LMBRD1: variants seen among roughly 807,000 people sequenced by gnomAD.
The protein encoded by LMBRD1 is LMBR1 domain containing 1.
A neutral mutation model predicts 74.8 loss-of-function variants in LMBRD1; 64 were observed. The ratio of observed to expected loss-of-function variants is 0.86; its 90% CI spans 0.70 to 1.05. The LOEUF is 1.05. LMBRD1 is among the 50% of genes least tolerant of loss of function. The probability of loss-of-function intolerance (pLI) is 0.00; values close to 1 mark genes in which losing one functional copy is unlikely to be tolerated. For synonymous variants in LMBRD1, 204 were observed against 216.3 expected (o/e 0.94, Z 0.50); for missense variants, 652 against 645.9 (o/e 1.01, Z -0.10).
chr6:69,676,655 T>A, intron 14 of LMBRD1, 114 bp from the exon 15 acceptor site: 1 of 841,658 alleles, frequency 1.2e-6, no homozygotes. Flanking sequence ...ATATGGCTAG[T>A]AAGTGTCAGA....
chr6:69,796,854 C>T lies in LMBRD1; in HGVS notation c.28G>A (p.Glu10Lys). ...AATATGCACCAGCCGATCACCAGCT[C>T]CGCCGAGGCCGCGCCAGAAGTCGCC... MATSGAASAELVIGWCIFGL... is the reference protein window; with the variant it reads MATSGAASAKLVIGWCIFGL... Residue 10 changes from glutamate (E) to lysine (K), a missense_variant, in exon 1 of 16, where the codon GAG (glutamate) becomes AAG (lysine). By Grantham distance (56) the Glu-to-Lys change is moderately conservative. Coordinates refer to ENST00000649934, the MANE Select transcript of LMBRD1 (RefSeq NM_018368.4). 6.2e-7 allele frequency: 1 copy of T among 1,614,130 alleles called. No individual in the cohort carries two copies. Among genetic ancestry groups the T allele is most frequent in the Non-Finnish European group, 8.5e-7 (1 of 1,180,012 alleles).
intron 3 of LMBRD1, among the ~76,000 whole-genome samples, chr6:69,771,935 A>G (rs1765585559): frequency 6.6e-6 from 1 of 152,160 alleles, no homozygotes; most frequent in South Asian, 2.1e-4. Context: ...ATCAAGCACA[A>G]GGGAATTTTC....
rs748002041 is a variant in LMBRD1, at chr6:69,737,964, A to G, written c.614T>C (p.Met205Thr). 1.2e-6 allele frequency: 2 copies of G among 1,611,308 alleles called. No individual in the cohort carries two copies. The highest frequency in any genetic ancestry group is 1.7e-6 in the Non-Finnish European group (2 of 1,178,292). Residue 205 changes from methionine (M) to threonine (T), a missense_variant, in exon 7 of 16, where the codon ATG becomes ACG. Physicochemically the swap from Met to Thr is moderately conservative, Grantham distance 81. Coordinates refer to ENST00000649934, the MANE Select transcript of LMBRD1 (RefSeq NM_018368.4). ...FSISSLTLIG[M>T]LAAITYTAYG... The stretch of plus-strand genomic sequence containing the variant: ...TACTGTGTAAGTTATAGCTGCCAAC[A>G]TTCCAATCAAGGTCAGAGAACTGAT...
Position 69,701,561 on chromosome 6 carries a change from A to C in LMBRD1, c.981-16T>G, listed in dbSNP as rs753360068. ...TTTATCTAAACTAAAAAAAATTACA[A>C]AGAATGAAATTTATGTTATACTATC... On this transcript the variant is annotated splice_polypyrimidine_tract_variant and intron_variant, in intron 10 of 15. Transcript: ENST00000649934. 1 of 1,472,658 alleles carries C rather than the reference A, an allele frequency of 6.8e-7. No homozygotes were observed. Among genetic ancestry groups the C allele is most frequent in the South Asian group, 1.2e-5 (1 of 86,216 alleles). 91.2% of individuals were successfully genotyped at this position (1,472,658 alleles called of 1,614,324 possible).
chr6:69,768,884 G>A (rs1440089767), intron 3 of LMBRD1, among the ~76,000 whole-genome samples: 2 of 151,560 alleles, frequency 1.3e-5, no homozygotes, highest in Non-Finnish European at 2.9e-5. Flanking sequence ...GCCCTCTGGT[G>A]TCCACTATTT....
chr6:69,780,346 C>T lies in LMBRD1; in HGVS notation c.307+148G>A, dbSNP rs71559566. The T allele has an allele frequency of 1.4e-4, 90 of 661,482 alleles. 1 individual carries two copies. The highest frequency in any genetic ancestry group is 2.2e-4 in the Non-Finnish European group (77 of 356,744). The allele number at this position is 661,482 out of a possible 1,614,324, so 41.0% of individuals were successfully genotyped here. A position where few individuals can be genotyped will look rare whatever the true frequency, so the allele number is the denominator to read the frequency against. ...CCCTTCTTTCTTGCCTACTAAACTC[C>T]CTGCTCCTTAAAACTACTCCATGTG... On this transcript the variant is annotated intron_variant, in intron 3 of 15. Transcript: ENST00000649934.
intron 8 of LMBRD1, among the ~76,000 whole-genome samples, chr6:69,718,714 G>A (rs1766547419): frequency 6.6e-6 from 1 of 152,142 alleles, no homozygotes; most frequent in Non-Finnish European, 1.5e-5. Flanking sequence ...AACACCATGA[G>A]GGTAACTGCC....
At chr6:69,684,537 C>T (rs922680365) in intron 14 of LMBRD1, among the ~76,000 whole-genome samples, 33 of 151,928 alleles carry the variant, frequency 2.2e-4, no homozygotes, top group African/African-American at 7.7e-4. Flanking sequence ...TAAGCACAGC[C>T]AAACTATCCA....
chr6:69,733,088 A>G (rs539450291), intron 7 of LMBRD1, among the ~76,000 whole-genome samples: 3 of 152,330 alleles, frequency 2.0e-5, no homozygotes, highest in Admixed American at 1.3e-4. Flanking sequence ...AATAATACAT[A>G]ACTAAGAAAT....
At chr6:69,765,587 T>C (rs1168725983) in intron 3 of LMBRD1, among the ~76,000 whole-genome samples, 1 of 152,198 alleles carries the variant, frequency 6.6e-6, no homozygotes, top group Non-Finnish European at 1.5e-5. Flanking sequence ...TTTTGGCTAC[T>C]GTAAATCCTG....
chr6:69,775,837 A>G (rs924531379), intron 3 of LMBRD1, among the ~76,000 whole-genome samples: 1 of 152,208 alleles, frequency 6.6e-6, no homozygotes, highest in African/African-American at 2.4e-5. Flanking sequence ...CAACTGACAG[A>G]TAAGCAATGG....
intron 14 of LMBRD1, among the ~76,000 whole-genome samples, chr6:69,681,740 C>T (rs1328446176): frequency 6.6e-6 from 1 of 151,868 alleles, no homozygotes; most frequent in Non-Finnish European, 1.5e-5. Context: ...TTAGAAGCCA[C>T]TTCATAGCTC....
chr6:69,736,139 C>T (rs1410749913), intron 7 of LMBRD1, among the ~76,000 whole-genome samples: 1 of 152,164 alleles, frequency 6.6e-6, no homozygotes, highest in African/African-American at 2.4e-5. Flanking sequence ...CTGGGAGACA[C>T]ATCTCCACGC....
At chr6:69,786,481 G>A (rs1376815284) in intron 2 of LMBRD1, among the ~76,000 whole-genome samples, 2 of 136,066 alleles carry the variant, frequency 1.5e-5, no homozygotes, top group East Asian at 2.4e-4. Context: ...TATTAGTGTC[G>A]ATTTCTTTTT....
At chr6:69,784,413 CT>C (rs1765900512) in intron 2 of LMBRD1, among the ~76,000 whole-genome samples, 1 of 152,302 alleles carries the variant, frequency 6.6e-6, no homozygotes, top group South Asian at 2.1e-4. Flanking sequence ...TCACTTTTAC[CT>C]GATAACTTCA....
chr6:69,782,779 A>G (rs1208373516), intron 2 of LMBRD1, among the ~76,000 whole-genome samples: 3 of 152,136 alleles, frequency 2.0e-5, no homozygotes, highest in Non-Finnish European at 4.4e-5. Flanking sequence ...CTCTTTGCCT[A>G]ATGTAGTTAC....
chr6:69,692,031 T>C (rs1358300742), intron 14 of LMBRD1, among the ~76,000 whole-genome samples: 4 of 152,170 alleles, frequency 2.6e-5, no homozygotes, highest in Admixed American at 6.5e-5. Flanking sequence ...ATTTTACTTA[T>C]TCTTTCTTAC....
Position 69,718,951 on chromosome 6 carries a change from C to T in LMBRD1, c.762+5G>A. 6.2e-7 allele frequency: 1 copy of T among 1,613,228 alleles called. No individual in the cohort carries two copies. On this transcript the variant is annotated splice_donor_5th_base_variant and intron_variant, in intron 8 of 15. Transcript: ENST00000649934. ...CTTCCCAATTACACCAAAACATCAA[C>T]TCACTTTTGATTTAATCGTTTGAAT...
chr6:69,696,634 T>C (rs1290876840), intron 14 of LMBRD1, among the ~76,000 whole-genome samples: 1 of 152,064 alleles, frequency 6.6e-6, no homozygotes, highest in Non-Finnish European at 1.5e-5. Context: ...CAGATAACCT[T>C]AAAATGTAGC....
Sources: allele counts gnomAD v4.1 joint callset (sites outside exome capture counted in the v4.1 genomes callset), GRCh38; gene constraint gnomAD v4.1.1; transcripts MANE v1.5; gene names NCBI Gene and HGNC (gene_info 2026-07-23, HGNC 2026-07-21).